The following DNAH7 variants were observed in gnomAD, a reference collection of about 807,000 sequenced individuals.
The protein encoded by DNAH7 is dynein axonemal heavy chain 7, also known as axonemal beta dynein heavy chain 7.
DNAH7 carries 397 observed loss-of-function variants against 444.6 expected under a neutral mutation model. The observed-to-expected ratio is 0.89, with a 90% CI of 0.82 to 0.97. The LOEUF is 0.97. DNAH7 is among the 50% of genes least tolerant of loss of function. DNAH7 has a pLI of 0.00. For synonymous variants in DNAH7, 1,636 were observed against 1,624.4 expected, an observed-to-expected ratio of 1.01 and a Z score of -0.17; for missense variants, 4,902 against 4,800.8, an observed-to-expected ratio of 1.02 and a Z score of -0.62.
At chr2:196,043,235 A>T (rs550263648) in intron 5 of DNAH7, among the ~76,000 whole-genome samples, 14 of 152,190 alleles carry the variant, frequency 9.2e-5, no homozygotes, top group African/African-American at 3.4e-4. Context: ...TTTTTTTAAA[A>T]AAAGGGAAAA....
chr2:195,772,941 T>C (rs948813682), intron 60 of DNAH7, among the ~76,000 whole-genome samples: 3 of 152,196 alleles, frequency 2.0e-5, no homozygotes, highest in Admixed American at 1.3e-4. Context: ...CTACCACGCC[T>C]GGCTAATTTT....
chr2:195,960,862 C>T lies in DNAH7; in HGVS notation c.2289G>A (p.Leu763=). The T allele has an allele frequency of 6.2e-7, 1 of 1,614,038 alleles. No individual in the cohort carries two copies. Among genetic ancestry groups the T allele is most frequent in the Non-Finnish European group, 8.5e-7 (1 of 1,180,000 alleles). ...TTTCATAAAGACGAAGATAAGGGTT[C>T]AAGCCATCTTGGATTTTTTTACGTT... ...YPQRKKIQDG[L]NPYLRLYETA... Residue 763 remains leucine, a synonymous_variant, in exon 18 of 65, where the codon TTG becomes TTA. Transcript: ENST00000312428.
At chr2:195,797,771 T>C (rs997335779) in intron 55 of DNAH7, among the ~76,000 whole-genome samples, 1 of 152,194 alleles carries the variant, frequency 6.6e-6, no homozygotes, top group Non-Finnish European at 1.5e-5. Flanking sequence ...GGTCAGATCA[T>C]GTCAGTTTGT....
At chr2:195,915,436 T>C (rs184493413) in intron 24 of DNAH7, among the ~76,000 whole-genome samples, 1 of 152,072 alleles carries the variant, frequency 6.6e-6, no homozygotes, top group African/African-American at 2.4e-5. Flanking sequence ...GAATACTGAG[T>C]CCAATAGACA....
rs1700030934 is a variant in DNAH7 at position 195,861,781 on chromosome 2, C to T, written c.7672G>A (p.Val2558Met). 3.1e-6 allele frequency: 5 copies of T among 1,613,522 alleles called. No individual in the cohort carries two copies. The highest frequency in any genetic ancestry group is 1.6e-4 in the Middle Eastern group (1 of 6,082). Residue 2558 changes from valine to methionine, a missense_variant, in exon 42 of 65, where the codon GTG (valine) becomes ATG (methionine). Physicochemically the swap from Val to Met is conservative, Grantham distance 21 (BLOSUM62 1). Transcript: ENST00000312428. ...FFVELQRYNY[V>M]TPTSYLELIS... ...AATTCGAGGTAAGAGGTAGGAGTCA[C>T]ATAATTGTATCTTTGAAGTTCAACA...
At chr2:195,783,025 C>G in intron 58 of DNAH7, among the ~76,000 whole-genome samples, 1 of 152,086 alleles carries the variant, frequency 6.6e-6, no homozygotes, top group East Asian at 1.9e-4. Flanking sequence ...ACATTTTTAC[C>G]TGGATATCCA....
In DNAH7 at chr2:195,969,942, T is replaced by C; in HGVS notation, c.2205+6A>G. ...ATTCATCTTTTTAAGAATTTTTGAA[T>C]TATACCTTATCTGCAGCTAAATCCA... On this transcript the variant is annotated splice_donor_region_variant and intron_variant, in intron 17 of 64. Transcript: ENST00000312428. 6.3e-7 allele frequency: 1 copy of C among 1,598,928 alleles called. No homozygotes were observed. The highest frequency in any genetic ancestry group is 8.5e-7 in the Non-Finnish European group (1 of 1,176,268).
At chr2:195,808,575 G>A (rs1559111700) in intron 53 of DNAH7, 107 bp downstream of exon 53, 3 of 1,335,578 alleles carry the variant, frequency 2.2e-6, no homozygotes, top group Non-Finnish European at 2.1e-6. Flanking sequence ...ATTCTAACAT[G>A]TGACCAGTTG....
chr2:195,739,280 G>A (rs191691475), intron 64 of DNAH7, among the ~76,000 whole-genome samples: 1 of 152,158 alleles, frequency 6.6e-6, no homozygotes, highest in East Asian at 1.9e-4. Context: ...ATTTTAAAAT[G>A]TATGACAGCT....
chr2:195,898,609 C>T (rs1317429730), intron 28 of DNAH7, among the ~76,000 whole-genome samples: 1 of 152,066 alleles, frequency 6.6e-6, no homozygotes, highest in Non-Finnish European at 1.5e-5. Context: ...ACAAGCAAAC[C>T]GGCTCTGAGT....
chr2:195,970,449 A>C (rs1368240922), intron 16 of DNAH7, among the ~76,000 whole-genome samples: 1 of 152,170 alleles, frequency 6.6e-6, no homozygotes, highest in Non-Finnish European at 1.5e-5. Context: ...TTAATAATCA[A>C]GAATGGGACT....
intron 47 of DNAH7, among the ~76,000 whole-genome samples, chr2:195,839,821 T>A (rs994446319): frequency 2.0e-5 from 3 of 151,734 alleles, no homozygotes; most frequent in Non-Finnish European, 4.4e-5. Flanking sequence ...TAGGAAGAAA[T>A]AGATCACCTG....
In DNAH7 at chr2:195,796,586, T is replaced by C; in HGVS notation, c.10505A>G (p.Lys3502Arg). 1 of 1,614,092 alleles carries C rather than the reference T, an allele frequency of 6.2e-7. No homozygotes were observed. Among genetic ancestry groups the C allele is most frequent in the Non-Finnish European group, 8.5e-7 (1 of 1,179,970 alleles). The change falls in exon 56 of 65, where the codon AAA (lysine) becomes AGA (arginine). Residue 3502 changes from lysine (K) to arginine (R), a missense_variant. Lys to Arg is a conservative substitution (Grantham distance 26). Transcript: ENST00000312428. ...AACTTGCATTTTTACCTCACAGACT[T>C]TCTCAAGGGTTGGCATCCAAGAGGT... Reference protein sequence around the residue: ...LATSWMPTLEKVCEELSPEST... With the variant: ...LATSWMPTLERVCEELSPEST...
intron 28 of DNAH7, among the ~76,000 whole-genome samples, chr2:195,899,606 G>T (rs1432892674): frequency 1.3e-5 from 2 of 152,054 alleles, no homozygotes; most frequent in Non-Finnish European, 2.9e-5. Flanking sequence ...GCATCCTATT[G>T]TTCTTAATCA....
intron 51 of DNAH7, among the ~76,000 whole-genome samples, chr2:195,810,497 C>A (rs1416437273): frequency 1.3e-5 from 2 of 152,114 alleles, no homozygotes. Context: ...CTGCAACCTC[C>A]ACCTCCCTGG....
intron 40 of DNAH7, among the ~76,000 whole-genome samples, chr2:195,868,760 A>C (rs1451691036): frequency 6.6e-6 from 1 of 151,056 alleles, no homozygotes; most frequent in Non-Finnish European, 1.5e-5. Flanking sequence ...TCTGTATTTA[A>C]CAAGCAAACC....
chr2:196,024,998 T>C (rs1050603898), intron 7 of DNAH7, among the ~76,000 whole-genome samples: 2 of 152,150 alleles, frequency 1.3e-5, no homozygotes, highest in African/African-American at 4.8e-5. Context: ...AATAAAAATA[T>C]ACAGTGTAAC....
At chr2:195,758,208 C>T (rs370356217) in intron 61 of DNAH7, among the ~76,000 whole-genome samples, 11 of 152,200 alleles carry the variant, frequency 7.2e-5, no homozygotes, top group African/African-American at 2.2e-4. Context: ...CAACAATCAC[C>T]GGTATTCTTA....
At chr2:196,009,187 A>T (rs1694572290) in intron 10 of DNAH7, among the ~76,000 whole-genome samples, 1 of 152,134 alleles carries the variant, frequency 6.6e-6, no homozygotes, top group Non-Finnish European at 1.5e-5. Context: ...AACACTAGGG[A>T]TTACGTTTCA....
Sources: gnomAD v4.1 joint callset for allele counts (sites outside exome capture counted in the v4.1 genomes callset) on GRCh38, gnomAD v4.1.1 for gene constraint, MANE v1.5 for transcripts, NCBI Gene and HGNC (gene_info 2026-07-23, HGNC 2026-07-21) for gene names.